The following LDLRAD3 variants were observed in gnomAD, a reference collection of about 807,000 sequenced individuals.
LDLRAD3 encodes low-density lipoprotein receptor class A domain-containing protein 3.
LDLRAD3 carries 20 observed loss-of-function variants against 29.4 expected under a neutral mutation model. That is an observed-to-expected ratio of 0.68 (90% CI 0.48 to 0.99). The LOEUF is 0.99. Ranked by LOEUF, LDLRAD3 falls within the 50% of genes least tolerant of loss-of-function variation. LDLRAD3 has a pLI of 0.00. For missense variants in LDLRAD3, 420 were observed against 454.3 expected, an observed-to-expected ratio of 0.92 and a Z score of 0.69; for synonymous variants, 157 against 192.7, an observed-to-expected ratio of 0.81 and a Z score of 1.53.
intron 3 of LDLRAD3, among the ~76,000 whole-genome samples, chr11:36,086,052 T>C (rs1003723087): frequency 6.6e-5 from 10 of 152,216 alleles, no homozygotes; most frequent in African/African-American, 2.4e-4. Context: ...GTGTTTTGTT[T>C]TGTTTAGTTG....
chr11:36,038,649 A>G (rs1214876795), intron 2 of LDLRAD3, among the ~76,000 whole-genome samples: 1 of 152,204 alleles, frequency 6.6e-6, no homozygotes, highest in Non-Finnish European at 1.5e-5. Context: ...GTTTTTAAAA[A>G]AGATGTTGCC....
intron 4 of LDLRAD3, among the ~76,000 whole-genome samples, chr11:36,111,724 C>T (rs1045733772): frequency 3.9e-5 from 6 of 152,118 alleles, no homozygotes; most frequent in Non-Finnish European, 7.4e-5. Flanking sequence ...CTCACTCTCC[C>T]GAGTAGCGGG....
At chr11:36,023,913 G>C (rs1053462509) in intron 1 of LDLRAD3, among the ~76,000 whole-genome samples, 3 of 152,206 alleles carry the variant, frequency 2.0e-5, no homozygotes, top group African/African-American at 7.2e-5. Flanking sequence ...ATGATTTAAG[G>C]AGGGCTAATT....
chr11:36,125,921 C>G (rs961322267), intron 4 of LDLRAD3, among the ~76,000 whole-genome samples: 1 of 152,114 alleles, frequency 6.6e-6, no homozygotes, highest in Non-Finnish European at 1.5e-5. Context: ...AAAAGGCTAC[C>G]CCCCTTGGAA....
At chr11:35,954,459 C>G (rs1018690146) in intron 1 of LDLRAD3, among the ~76,000 whole-genome samples, 2 of 152,164 alleles carry the variant, frequency 1.3e-5, no homozygotes, top group African/African-American at 4.8e-5. Context: ...TACTCCAGAA[C>G]CTGATTCAGT....
intron 2 of LDLRAD3, among the ~76,000 whole-genome samples, chr11:36,050,944 GC>G (rs1387707873): frequency 6.6e-6 from 1 of 152,140 alleles, no homozygotes; most frequent in African/African-American, 2.4e-5. Context: ...TGTAAAGGAT[GC>G]CTGAGCTCCC....
At chr11:36,020,880 C>A (rs1852086475) in intron 1 of LDLRAD3, among the ~76,000 whole-genome samples, 1 of 151,936 alleles carries the variant, frequency 6.6e-6, no homozygotes, top group African/African-American at 2.4e-5. Flanking sequence ...TTTTAGAAGC[C>A]AAGACTGGAG....
chr11:36,013,955 C>T (rs968100583), intron 1 of LDLRAD3, among the ~76,000 whole-genome samples: 1 of 152,162 alleles, frequency 6.6e-6, no homozygotes, highest in Non-Finnish European at 1.5e-5. Flanking sequence ...TTTGCAGGCA[C>T]ACCCCCTTTT....
intron 1 of LDLRAD3, among the ~76,000 whole-genome samples, chr11:35,949,585 G>A (rs147748676): frequency 6.6e-6 from 1 of 152,322 alleles, no homozygotes; most frequent in African/African-American, 2.4e-5. Context: ...GGCAAGCTGT[G>A]TGTGTGTGTT....
At chr11:36,079,557 A>G (rs547984568) in intron 2 of LDLRAD3, among the ~76,000 whole-genome samples, 1 of 152,292 alleles carries the variant, frequency 6.6e-6, no homozygotes, top group East Asian at 1.9e-4. Flanking sequence ...GTTGGGGCTG[A>G]TGTTGTGGGT....
At chr11:35,957,560 G>T (rs1186645233) in intron 1 of LDLRAD3, among the ~76,000 whole-genome samples, 1 of 152,140 alleles carries the variant, frequency 6.6e-6, no homozygotes, top group Non-Finnish European at 1.5e-5. Context: ...ACTTTGGGAG[G>T]CTGAGGCAGG....
chr11:36,124,785 G>T (rs1853812120), intron 4 of LDLRAD3, among the ~76,000 whole-genome samples: 1 of 151,602 alleles, frequency 6.6e-6, no homozygotes, highest in African/African-American at 2.4e-5. Flanking sequence ...TCTGCCACCT[G>T]GGTTCAAGCA....
intron 4 of LDLRAD3, among the ~76,000 whole-genome samples, chr11:36,177,921 G>A (rs1190533469): frequency 6.6e-6 from 1 of 152,218 alleles, no homozygotes; most frequent in Non-Finnish European, 1.5e-5. Flanking sequence ...GTGCCATAGA[G>A]CTCCTAAGAG....
chr11:36,179,471 C>G (rs1565282907), intron 4 of LDLRAD3, among the ~76,000 whole-genome samples: 2 of 151,702 alleles, frequency 1.3e-5, no homozygotes, highest in East Asian at 3.9e-4. Context: ...GAGACTCTGT[C>G]TCAGAAAAAA....
At chr11:36,144,535 C>T (rs1224301022) in intron 4 of LDLRAD3, among the ~76,000 whole-genome samples, 2 of 150,760 alleles carry the variant, frequency 1.3e-5, no homozygotes, top group East Asian at 4.0e-4. Flanking sequence ...GCGCCTCTGC[C>T]CTGCCGCCCC....
At chr11:36,010,323 G>T (rs1470730558) in intron 1 of LDLRAD3, 2 of 154,242 alleles carry the variant, frequency 1.3e-5, no homozygotes, top group African/African-American at 4.8e-5. Context: ...AGACTAAATA[G>T]ATTTATTTAC....
At chr11:36,100,729 C>T (rs975999064) in intron 4 of LDLRAD3, among the ~76,000 whole-genome samples, 13 of 152,226 alleles carry the variant, frequency 8.5e-5, no homozygotes, top group African/African-American at 1.2e-4. Context: ...TGAGCCACTG[C>T]GCCCGGCCTA....
chr11:36,021,323 A>G (rs1852092007), intron 1 of LDLRAD3, among the ~76,000 whole-genome samples: 2 of 152,140 alleles, frequency 1.3e-5, no homozygotes, highest in African/African-American at 4.8e-5. Context: ...AAAACTCTGA[A>G]GGCTGTTAAA....
chr11:36,126,931 A>C (rs965484125), intron 4 of LDLRAD3, among the ~76,000 whole-genome samples: 1 of 152,212 alleles, frequency 6.6e-6, no homozygotes, highest in African/African-American at 2.4e-5. Context: ...TCGACTGTGT[A>C]AACAAAATTG....
Sources: gnomAD v4.1 joint callset for allele counts (sites outside exome capture counted in the v4.1 genomes callset) on GRCh38, gnomAD v4.1.1 for gene constraint, MANE v1.5 for transcripts, NCBI Gene and HGNC (gene_info 2026-07-23, HGNC 2026-07-21) for gene names.